The following MFSD12 variants were observed in gnomAD, a reference collection of about 807,000 sequenced individuals.
The protein encoded by MFSD12 is major facilitator superfamily domain containing 12.
Under a neutral mutation model 51.2 loss-of-function variants are expected in MFSD12, and 67 were observed. The observed-to-expected ratio is 1.31, with a 90% CI of 1.08 to 1.60. MFSD12 has a LOEUF of 1.60. MFSD12 is among the 40% of genes most tolerant of loss of function. The pLI is 0.00. For synonymous variants in MFSD12, 441 were observed against 316.7 expected (o/e 1.39, Z -4.17); for missense variants, 921 against 673.0 (o/e 1.37, Z -4.08).
chr19:3,547,636 C>G (rs1351835919), intron 4 of MFSD12, 89 bp from the exon 5 acceptor site: 1 of 1,300,382 alleles, frequency 7.7e-7, no homozygotes, highest in East Asian at 2.5e-5. Flanking sequence ...AGGGTGGGCG[C>G]CCTGCAGCTG....
chr19:3,544,419 T>G lies in MFSD12; in HGVS notation c.*291A>C. On this transcript the variant is annotated 3_prime_UTR_variant, in exon 10 of 10. Transcript: ENST00000355415. ...GGGTTAGGGTTCCCCCAGACCCTTC[T>G]GGGATTCCTACTTCCTGTTCCCTGC... 6 of 1,326,376 alleles carry G rather than the reference T, an allele frequency of 4.5e-6. No homozygotes were observed. Among genetic ancestry groups the G allele is most frequent in the Non-Finnish European group, 5.8e-6 (6 of 1,039,842 alleles). The allele number at this position is 1,326,376 out of a possible 1,614,324, so 82.2% of individuals were successfully genotyped here.
chr19:3,545,392 GCCCTCCCCTCCT>G (rs1490255307), intron 8 of MFSD12, among the ~76,000 whole-genome samples: 1 of 152,078 alleles, frequency 6.6e-6, no homozygotes, highest in Non-Finnish European at 1.5e-5. Context: ...TGCACGACCT[GCCCTCCCCTCCT>G]CCCTCTACTC....
chr19:3,556,128 T>C (rs2031711347), intron 1 of MFSD12, among the ~76,000 whole-genome samples: 1 of 152,132 alleles, frequency 6.6e-6, no homozygotes, highest in Admixed American at 6.5e-5. Flanking sequence ...CTCCCAACTC[T>C]CAACTCCCGG....
downstream of MFSD12, chr19:3,542,551 G>GCAAACTCCA (rs2030502814): frequency 1.2e-6 from 1 of 854,314 alleles, no homozygotes; most frequent in African/African-American, 1.8e-5. Context: ...TCAGCTTACT[G>GCAAACTCCA]CAAACTCCAC....
In MFSD12 at chr19:3,550,600, G is replaced by C. The variant is rs751918736; in HGVS notation, c.509+384C>G. 7.3e-4 allele frequency among the ~76,000 whole-genome samples: 110 copies of C among 151,110 alleles called. 1 individual carries two copies. Among genetic ancestry groups the C allele is most frequent in the Middle Eastern group, 3.2e-3 (1 of 316 alleles). ...TAGAGACGAGGTTTCACGTGTTAGC[G>C]AGGATGGTCTCGATCTCCTGACCTC... On this transcript the variant is annotated intron_variant, in intron 2 of 9. Transcript: ENST00000355415.
intron 2 of MFSD12, among the ~76,000 whole-genome samples, chr19:3,548,721 T>C (rs888304670): frequency 1.3e-5 from 2 of 151,992 alleles, no homozygotes; most frequent in Non-Finnish European, 2.9e-5. Flanking sequence ...TGAATCAGTC[T>C]CTCTTTCTGA....
At position 3,546,145 on chromosome 19, in the gene MFSD12, G is replaced by A. The variant is rs769468498; in HGVS notation, c.1218C>T (p.Gly406=). 1 of 1,613,274 alleles carries A rather than the reference G, an allele frequency of 6.2e-7. No homozygotes were observed. The highest frequency in any genetic ancestry group is 1.6e-4 in the Middle Eastern group (1 of 6,062). The change falls in exon 8 of 10, where the codon GGC becomes GGT. Residue 406 remains glycine (G), a synonymous_variant. Transcript: ENST00000355415. ...CCACCTTATCCAAGAAGCTCATGGA[G>A]CCGTACACGAACGCTCCGCTGTTCT... ...PHTNSGAFVY[G]SMSFLDKVAN...
chr19:3,547,414 G>C, intron 5 of MFSD12, 41 bp downstream of exon 5: 1 of 1,611,724 alleles, frequency 6.2e-7, no homozygotes, highest in Non-Finnish European at 8.5e-7. Context: ...TCGCCAGGCT[G>C]GGGCCGTCCC....
chr19:3,539,246 A>C, downstream of MFSD12: 2 of 1,549,370 alleles, frequency 1.3e-6, no homozygotes, highest in Non-Finnish European at 1.7e-6. Context: ...CCAGCTTCCC[A>C]GCACCGCTGT....
intron 8 of MFSD12, among the ~76,000 whole-genome samples, chr19:3,545,537 C>G (rs1225130516): frequency 6.6e-6 from 1 of 152,240 alleles, no homozygotes; most frequent in East Asian, 1.9e-4. Context: ...CTGCAGGTGT[C>G]AGGGCCACGT....
chr19:3,539,134 G>A (rs768142272), intron 4 of MFSD12: 2 of 1,373,868 alleles, frequency 1.5e-6, no homozygotes, highest in South Asian at 2.5e-5. Flanking sequence ...GTCAACGGTG[G>A]CCTCAGAGGC....
downstream of MFSD12, chr19:3,539,264 AG>A (rs1340469394): frequency 6.5e-7 from 1 of 1,542,112 alleles, no homozygotes; most frequent in Non-Finnish European, 8.8e-7. Context: ...TGTACAGGTG[AG>A]CCCCTCCCTA....
At chr19:3,554,456 A>C (rs950277155) in intron 1 of MFSD12, among the ~76,000 whole-genome samples, 7 of 140,608 alleles carry the variant, frequency 5.0e-5, no homozygotes, top group African/African-American at 1.8e-4. Flanking sequence ...AAAACAAAAA[A>C]AAAAAAAAAA....
exon 5 of MFSD12, chr19:3,538,740 T>C (rs775224295): frequency 4.1e-6 from 2 of 484,270 alleles, no homozygotes; most frequent in Admixed American, 4.6e-5. Context: ...TGTGAGCCAC[T>C]GCGTGCAGGT....
At chr19:3,543,097 C>T, downstream of MFSD12, 1 of 1,551,226 alleles carries the variant, frequency 6.4e-7, no homozygotes, top group East Asian at 2.4e-5. Flanking sequence ...GGCTGAAGGA[C>T]AGACTCCAAG....
chr19:3,551,136 C>T lies in MFSD12; in HGVS notation c.357G>A (p.Gly119=). Residue 119 remains glycine (G), a synonymous_variant, in exon 2 of 10, where the codon GGG becomes GGA. Transcript: ENST00000355415. The surrounding 1 kb of genome is among the most constrained non-coding windows in gnomAD (Gnocchi z 4.6). ...PFIFSPCLGC[G]AATPEWAALL... ...GGGCAGCCCACTCGGGCGTGGCCGCCCCACAGCCCAGGCAGGGGCTGAAGA... is the reference window on the plus strand; with the variant it reads ...GGGCAGCCCACTCGGGCGTGGCCGCTCCACAGCCCAGGCAGGGGCTGAAGA... 1 of 1,612,894 alleles carries T rather than the reference C, an allele frequency of 6.2e-7. No individual in the cohort carries two copies. The highest frequency in any genetic ancestry group is 8.5e-7 in the Non-Finnish European group (1 of 1,179,924).
chr19:3,548,678 C>T (rs1345624201), intron 2 of MFSD12, among the ~76,000 whole-genome samples: 1 of 147,270 alleles, frequency 6.8e-6, no homozygotes, highest in Non-Finnish European at 1.5e-5. Flanking sequence ...CGGCCAGGCA[C>T]AGAGTCCCCC....
At chr19:3,554,779 G>A (rs2031651731) in intron 1 of MFSD12, among the ~76,000 whole-genome samples, 1 of 152,244 alleles carries the variant, frequency 6.6e-6, no homozygotes, top group African/African-American at 2.4e-5. Context: ...ACTTGTTAAA[G>A]GGCAAAGTGA....
intron 2 of MFSD12, among the ~76,000 whole-genome samples, chr19:3,548,703 T>G (rs1230216740): frequency 6.6e-6 from 1 of 152,100 alleles, no homozygotes; most frequent in African/African-American, 2.4e-5. Context: ...GGCCTCAGAA[T>G]CCTACCATGA....
Sources: allele counts gnomAD v4.1 joint callset (sites outside exome capture counted in the v4.1 genomes callset), GRCh38; gene constraint gnomAD v4.1.1; non-coding constraint Gnocchi (gnomAD v3.1); transcripts MANE v1.5; gene names NCBI Gene and HGNC (gene_info 2026-07-23, HGNC 2026-07-21).